L3MBTL4: variants seen among roughly 807,000 people sequenced by gnomAD.
L3MBTL4 encodes the protein lethal(3)malignant brain tumor-like protein 4.
L3MBTL4 carries 70 observed loss-of-function variants against 84.5 expected under a neutral mutation model. The ratio of observed to expected loss-of-function variants is 0.83; its 90% CI spans 0.68 to 1.01. L3MBTL4 has a LOEUF of 1.01. Among genes scored for constraint, L3MBTL4 ranks in the 50% least tolerant of loss-of-function variants. The pLI is 0.00. For synonymous variants in L3MBTL4, 274 were observed against 259.8 expected (o/e 1.05, Z -0.52); for missense variants, 715 against 754.8 (o/e 0.95, Z 0.62).
At chr18:6,391,552 C>T (rs1184465913) in intron 1 of L3MBTL4, among the ~76,000 whole-genome samples, 1 of 152,014 alleles carries the variant, frequency 6.6e-6, no homozygotes, top group Non-Finnish European at 1.5e-5. Flanking sequence ...TAACACTGTT[C>T]ACCTATGATA....
At chr18:6,002,550 G>A (rs1373107310) in intron 16 of L3MBTL4, among the ~76,000 whole-genome samples, 1 of 152,094 alleles carries the variant, frequency 6.6e-6, no homozygotes, top group Non-Finnish European at 1.5e-5. Context: ...CTGAAAAGTA[G>A]TGAGAATGGA....
At chr18:6,186,429 T>C (rs2044767123) in intron 12 of L3MBTL4, among the ~76,000 whole-genome samples, 1 of 152,122 alleles carries the variant, frequency 6.6e-6, no homozygotes, top group African/African-American at 2.4e-5. Context: ...CATGGAGACT[T>C]GATCTTACAC....
intron 1 of L3MBTL4, among the ~76,000 whole-genome samples, chr18:6,370,590 A>T (rs1299723972): frequency 6.6e-6 from 1 of 152,210 alleles, no homozygotes; most frequent in Non-Finnish European, 1.5e-5. Context: ...CACCCAGGGC[A>T]GTGGCAGAAT....
At chr18:6,227,176 A>G (rs1446549902) in intron 10 of L3MBTL4, among the ~76,000 whole-genome samples, 5 of 152,220 alleles carry the variant, frequency 3.3e-5, no homozygotes, top group African/African-American at 1.2e-4. Context: ...AAGGGGAAAT[A>G]CACAAATCCA....
intron 10 of L3MBTL4, among the ~76,000 whole-genome samples, chr18:6,234,907 G>A (rs1170012154): frequency 1.3e-5 from 2 of 152,080 alleles, no homozygotes; most frequent in Admixed American, 6.6e-5. Context: ...GCAAAGACTT[G>A]GAACCAGCCC....
At chr18:6,389,329 C>A (rs2054949444) in intron 1 of L3MBTL4, among the ~76,000 whole-genome samples, 2 of 152,078 alleles carry the variant, frequency 1.3e-5, no homozygotes, top group African/African-American at 4.8e-5. Context: ...CAATCTACAC[C>A]AGAATAGAAC....
intron 4 of L3MBTL4, among the ~76,000 whole-genome samples, chr18:6,286,650 C>A (rs867845499): frequency 2.0e-5 from 3 of 152,248 alleles, no homozygotes; most frequent in Middle Eastern, 3.4e-3. Context: ...TATTTTATTT[C>A]ATTTCACCAT....
intron 12 of L3MBTL4, among the ~76,000 whole-genome samples, chr18:6,212,779 CAA>C (rs2046164776): frequency 6.6e-6 from 1 of 152,320 alleles, no homozygotes; most frequent in South Asian, 2.1e-4. Flanking sequence ...GAATATCTCT[CAA>C]AGTCAGTCAT....
At chr18:6,123,880 C>T (rs973126670) in intron 14 of L3MBTL4, among the ~76,000 whole-genome samples, 3 of 152,184 alleles carry the variant, frequency 2.0e-5, no homozygotes, top group Non-Finnish European at 2.9e-5. Flanking sequence ...AAATAAGTGA[C>T]GAAATGACAG....
At chr18:6,173,244 T>G (rs1239176237) in intron 12 of L3MBTL4, among the ~76,000 whole-genome samples, 4 of 152,130 alleles carry the variant, frequency 2.6e-5, no homozygotes, top group Non-Finnish European at 1.5e-5. Flanking sequence ...ACTGGACATA[T>G]GCAGGGAATA....
rs1598744783 is a variant in L3MBTL4, at chr18:6,099,608, G to GAGAGAGA, written c.1200-6081_1200-6080insTCTCTCT. Among the ~76,000 whole-genome samples, 8 of 34,522 alleles carry GAGAGAGA rather than the reference G, an allele frequency of 2.3e-4. 1 individual carries two copies. The East Asian group carries it at 0.016, about 69-fold the overall frequency. The allele number at this position is 34,522 out of a possible 152,430, so 22.6% of individuals were successfully genotyped here. ...TAAATATATATATATATATATATAT[G>GAGAGAGA]GAGAGAGAGAGAGGAGATTTTCAGG... On this transcript the variant is annotated intron_variant, in intron 14 of 18. Transcript: ENST00000317931.
Position 6,046,918 on chromosome 18 carries a change from C to T in L3MBTL4, c.1444+33963G>A, listed in dbSNP as rs185253691. On this transcript the variant is annotated intron_variant, in intron 16 of 18. Transcript: ENST00000317931. ...TGACTAAAATCAGAGCAGAACTGAA[C>T]AAAATTTAGACCCAAACATACATAC... Among the ~76,000 whole-genome samples the T allele has an allele frequency of 1.6e-3, 241 of 152,092 alleles. 1 individual carries two copies. Among genetic ancestry groups the T allele is most frequent in the African/African-American group, 5.3e-3 (222 of 41,518 alleles).
At chr18:5,980,685 G>C (rs1370059980) in intron 16 of L3MBTL4, among the ~76,000 whole-genome samples, 2 of 152,044 alleles carry the variant, frequency 1.3e-5, no homozygotes, top group African/African-American at 4.8e-5. Flanking sequence ...GCCCACCTCG[G>C]CCTCCCAAAG....
At chr18:6,071,803 A>AAGAAAGAAAGAG (rs879320759) in intron 16 of L3MBTL4, among the ~76,000 whole-genome samples, 1 of 119,544 alleles carries the variant, frequency 8.4e-6, no homozygotes, top group South Asian at 2.8e-4. Flanking sequence ...GAAAGAAAGA[A>AAGAAAGAAAGAG]AAAGAAAGAA....
intron 13 of L3MBTL4, among the ~76,000 whole-genome samples, chr18:6,143,716 C>G (rs1375713122): frequency 6.6e-6 from 1 of 152,146 alleles, no homozygotes; most frequent in African/African-American, 2.4e-5. Context: ...CTTATTTTTA[C>G]CACTTTTCCT....
intron 10 of L3MBTL4, among the ~76,000 whole-genome samples, chr18:6,216,599 T>C (rs1410006422): frequency 1.3e-5 from 2 of 152,188 alleles, no homozygotes; most frequent in Non-Finnish European, 1.5e-5. Context: ...TTTTGTCAAA[T>C]TGAATTATAA....
At chr18:6,000,396 A>T (rs2054160713) in intron 16 of L3MBTL4, among the ~76,000 whole-genome samples, 1 of 152,202 alleles carries the variant, frequency 6.6e-6, no homozygotes, top group Non-Finnish European at 1.5e-5. Context: ...GAGGAGAAAA[A>T]TAAAACCATT....
intron 16 of L3MBTL4, chr18:6,030,620 T>C (rs910626192): frequency 6.3e-6 from 5 of 793,488 alleles, no homozygotes; most frequent in Admixed American, 6.3e-5. Flanking sequence ...CGCCTCAGCT[T>C]CCTGAGTAGC....
intron 18 of L3MBTL4, among the ~76,000 whole-genome samples, chr18:5,957,953 C>G (rs2095236731): frequency 8.6e-6 from 1 of 116,290 alleles, no homozygotes; most frequent in African/African-American, 3.5e-5. Context: ...GATAGAGACT[C>G]CACCTCAAAA....
Sources: allele counts gnomAD v4.1 joint callset (sites outside exome capture counted in the v4.1 genomes callset), GRCh38; gene constraint gnomAD v4.1.1; transcripts MANE v1.5; gene names NCBI Gene and HGNC (gene_info 2026-07-23, HGNC 2026-07-21).